CADPS: variants seen among roughly 807,000 people sequenced by gnomAD.
CADPS encodes the protein calcium-dependent secretion activator 1.
A neutral mutation model predicts 167.3 loss-of-function variants in CADPS; 57 were observed. The ratio of observed to expected loss-of-function variants is 0.34; its 90% CI spans 0.28 to 0.42. The LOEUF is 0.42. Ranked by LOEUF, CADPS falls within the 20% of genes least tolerant of loss-of-function variation. The pLI is 1.00. For synonymous variants in CADPS, 676 were observed against 635.3 expected (o/e 1.06, Z -0.96); for missense variants, 1,414 against 1,738.1 (o/e 0.81, Z 3.32).
chr3:62,613,550 C>T (rs938789077), intron 6 of CADPS, among the ~76,000 whole-genome samples: 5 of 152,216 alleles, frequency 3.3e-5, no homozygotes, highest in Admixed American at 3.3e-4. Flanking sequence ...ATAATATTTC[C>T]CAAATTTTTG....
At chr3:62,406,465 T>C (rs1031150427) in intron 28 of CADPS, among the ~76,000 whole-genome samples, 2 of 152,224 alleles carry the variant, frequency 1.3e-5, no homozygotes, top group African/African-American at 4.8e-5. Flanking sequence ...GTTTAGTCCT[T>C]GGTTCAGATA....
intron 18 of CADPS, among the ~76,000 whole-genome samples, chr3:62,496,066 T>G (rs137985415): frequency 6.7e-6 from 1 of 148,236 alleles, no homozygotes; most frequent in East Asian, 1.9e-4. Context: ...TGTTTTTCTT[T>G]TCTTTTCTTT....
chr3:62,403,137 G>T lies in CADPS; in HGVS notation c.3826C>A (p.Arg1276=), dbSNP rs566731837. 5.6e-6 allele frequency: 9 copies of T among 1,613,374 alleles called. No homozygotes were observed. The East Asian group carries it at 2.0e-4, about 36-fold the overall frequency. ...TAAATATGAAGCTGTAAGTCCATCCGGTCCGTCAACCAGGTGCAGATCACG... is the reference window on the plus strand; with the variant it reads ...TAAATATGAAGCTGTAAGTCCATCCTGTCCGTCAACCAGGTGCAGATCACG... ...MNVICTWLTD[R]MDLQLHIYQL... is the part of the protein sequence containing the mutation. Residue 1276 remains arginine (R), a synonymous_variant, in exon 29 of 30, where the codon CGG becomes AGG. Transcript: ENST00000383710.
rs2068899063 is a variant in CADPS, at chr3:62,516,040, G to A, written c.2581+19C>T. ...TATCAAAATTTAAATTCAAAACTGG[G>A]GGCAGAAGGGAGCCTTACCTTCGAT... On this transcript the variant is annotated intron_variant, in intron 16 of 29. Coordinates refer to ENST00000383710, the MANE Select transcript of CADPS (RefSeq NM_003716.4). The A allele has an allele frequency of 6.2e-7, 1 of 1,612,426 alleles. No homozygotes were observed. The highest frequency in any genetic ancestry group is 1.1e-5 in the South Asian group (1 of 90,950).
At chr3:62,489,743 A>G (rs966726639) in intron 21 of CADPS, among the ~76,000 whole-genome samples, 1 of 152,186 alleles carries the variant, frequency 6.6e-6, no homozygotes, top group Non-Finnish European at 1.5e-5. Context: ...ATGTTATTTC[A>G]AGACCATTGT....
intron 4 of CADPS, among the ~76,000 whole-genome samples, chr3:62,658,664 C>CT (rs2072357980): frequency 6.6e-6 from 1 of 152,156 alleles, no homozygotes; most frequent in Admixed American, 6.5e-5. Context: ...CTATTGGGTA[C>CT]ATCTGGAGTG....
chr3:62,590,978 C>T (rs2085870592), intron 7 of CADPS, among the ~76,000 whole-genome samples: 2 of 152,094 alleles, frequency 1.3e-5, no homozygotes, highest in African/African-American at 4.8e-5. Flanking sequence ...CCTCAGCCTC[C>T]TGAGTAGCTA....
In CADPS at chr3:62,516,232, C is replaced by T. The variant is rs748949144; in HGVS notation, c.2458-50G>A. ...ATTAAGAAGGTTCAAGCAAATGTGT[C>T]ACTCATCCATACTTCTTAGAAGCGT... is the stretch of plus-strand genomic sequence containing the variant. On this transcript the variant is annotated intron_variant, in intron 15 of 29. Transcript: ENST00000383710. The T allele has an allele frequency of 5.0e-6, 8 of 1,605,560 alleles. No homozygotes were observed. In the Admixed American group the frequency reaches 5.0e-5, roughly 10 times the overall value.
In CADPS at chr3:62,446,622, C is replaced by T. The variant is rs974615534; in HGVS notation, c.3637-825G>A. On this transcript the variant is annotated intron_variant, in intron 26 of 29. Coordinates refer to ENST00000383710, the MANE Select transcript of CADPS (RefSeq NM_003716.4). This position sits in a 1 kb window ranked among gnomAD's most constrained non-coding sequence, Gnocchi z 4.9. ...GCAGGTTGATAAGGGTGAATTCACA[C>T]TTAGCCCCAGGATGTAAATACAGAA... Among the ~76,000 whole-genome samples, 9 of 152,168 alleles carry T rather than the reference C, an allele frequency of 5.9e-5. No individual in the cohort carries two copies. The highest frequency in any genetic ancestry group is 1.9e-4 in the African/African-American group (8 of 41,430).
At chr3:62,473,485 T>C (rs2060874229) in intron 24 of CADPS, among the ~76,000 whole-genome samples, 1 of 152,224 alleles carries the variant, frequency 6.6e-6, no homozygotes, top group Non-Finnish European at 1.5e-5. Flanking sequence ...TAATTCTAAA[T>C]TGGTATATGA....
chr3:62,838,769 A>C (rs528535377), intron 1 of CADPS, among the ~76,000 whole-genome samples: 1 of 152,302 alleles, frequency 6.6e-6, no homozygotes, highest in East Asian at 1.9e-4. Context: ...TATAATCTTG[A>C]ATATAGAAGG....
At chr3:62,849,197 A>C (rs1350916129) in intron 1 of CADPS, among the ~76,000 whole-genome samples, 2 of 150,220 alleles carry the variant, frequency 1.3e-5, no homozygotes, top group East Asian at 1.9e-4. Context: ...GGGGTTTTCT[A>C]GATAAACAAT....
At chr3:62,819,931 C>T (rs2094820273) in intron 1 of CADPS, among the ~76,000 whole-genome samples, 1 of 152,190 alleles carries the variant, frequency 6.6e-6, no homozygotes, top group Non-Finnish European at 1.5e-5. Flanking sequence ...CTGAAATAAA[C>T]TGTAACCATG....
intron 21 of CADPS, among the ~76,000 whole-genome samples, chr3:62,490,692 G>C (rs2063550435): frequency 6.6e-6 from 1 of 152,144 alleles, no homozygotes; most frequent in African/African-American, 2.4e-5. Context: ...CAAAATTCTA[G>C]GTCAGTGGGG....
intron 7 of CADPS, among the ~76,000 whole-genome samples, 174 bp from the exon 8 acceptor site, chr3:62,585,498 A>G (rs1185755787): frequency 6.6e-6 from 1 of 152,218 alleles, no homozygotes; most frequent in Non-Finnish European, 1.5e-5. Flanking sequence ...TTGTAAAAGT[A>G]AAGATTTCTG....
chr3:62,475,465 A>C (rs1170810550), intron 23 of CADPS, among the ~76,000 whole-genome samples: 1 of 151,942 alleles, frequency 6.6e-6, no homozygotes, highest in Non-Finnish European at 1.5e-5. Context: ...GTTTTCTAAC[A>C]GTGCATAGGA....
At chr3:62,468,227 C>T (rs1277462882) in intron 24 of CADPS, among the ~76,000 whole-genome samples, 1 of 152,138 alleles carries the variant, frequency 6.6e-6, no homozygotes. Flanking sequence ...ATTTTTAGGT[C>T]TTGAGATAAG....
chr3:62,502,012 T>C (rs927954529), intron 17 of CADPS, among the ~76,000 whole-genome samples: 1 of 152,210 alleles, frequency 6.6e-6, no homozygotes. Context: ...GTAAGCAGGT[T>C]AAGGATCCTT....
chr3:62,815,268 A>G (rs566480204), intron 1 of CADPS, among the ~76,000 whole-genome samples: 3 of 144,128 alleles, frequency 2.1e-5, no homozygotes, highest in African/African-American at 7.8e-5. Context: ...AATTCTACAC[A>G]TAATGAACAT....
Sources: gnomAD v4.1 joint callset for allele counts (sites outside exome capture counted in the v4.1 genomes callset) on GRCh38, gnomAD v4.1.1 for gene constraint, Gnocchi (gnomAD v3.1) non-coding constraint, MANE v1.5 for transcripts, NCBI Gene and HGNC (gene_info 2026-07-23, HGNC 2026-07-21) for gene names.